SUPT3H: variants seen among roughly 807,000 people sequenced by gnomAD.
SUPT3H encodes the protein transcription initiation protein SPT3 homolog.
Under a neutral mutation model 44.3 loss-of-function variants are expected in SUPT3H, and 44 were observed. The ratio of observed to expected loss-of-function variants is 0.99; its 90% CI spans 0.78 to 1.28. The LOEUF is 1.28. SUPT3H is among the 50% of genes most tolerant of loss of function. The probability of loss-of-function intolerance (pLI) is 0.00; values close to 1 mark genes in which losing one functional copy is unlikely to be tolerated. For missense variants in SUPT3H, 380 were observed against 387.1 expected (o/e 0.98, Z 0.15); for synonymous variants, 124 against 125.6 (o/e 0.99, Z 0.09).
At chr6:45,236,262 C>T (rs546716779) in intron 2 of SUPT3H, among the ~76,000 whole-genome samples, 35 of 152,134 alleles carry the variant, frequency 2.3e-4, no homozygotes, top group Non-Finnish European at 4.6e-4. Flanking sequence ...GGGCTCAAAC[C>T]CAGGTCGAAA....
At chr6:45,233,959 T>C (rs1768581132) in intron 2 of SUPT3H, among the ~76,000 whole-genome samples, 2 of 152,330 alleles carry the variant, frequency 1.3e-5, no homozygotes, top group African/African-American at 4.8e-5. Flanking sequence ...ACTAATAAAT[T>C]ACTAAAAACA....
At chr6:44,822,007 G>A (rs555194241), downstream of SUPT3H, among the ~76,000 whole-genome samples, 9 of 152,188 alleles carry the variant, frequency 5.9e-5, no homozygotes, top group East Asian at 3.9e-4. Flanking sequence ...TCAGTATCAC[G>A]TTAAAGTGAT....
intron 2 of SUPT3H, among the ~76,000 whole-genome samples, chr6:45,284,309 G>GTT (rs200978130): frequency 5.9e-5 from 9 of 151,606 alleles, no homozygotes; most frequent in Admixed American, 6.6e-5. Context: ...CCAGGAGCTG[G>GTT]TTTTTTTTGA....
At chr6:44,917,205 GC>G (rs1350520729) in intron 10 of SUPT3H, among the ~76,000 whole-genome samples, 1 of 152,016 alleles carries the variant, frequency 6.6e-6, no homozygotes, top group African/African-American at 2.4e-5. Context: ...ACTGACTCAG[GC>G]AAGTTGTCTG....
At chr6:44,938,949 A>G (rs778377691) in intron 9 of SUPT3H, among the ~76,000 whole-genome samples, 2 of 152,164 alleles carry the variant, frequency 1.3e-5, no homozygotes, top group African/African-American at 4.8e-5. Flanking sequence ...TTCATTTATC[A>G]AATTTGAGAG....
At chr6:44,824,402 G>A (rs149874606), downstream of SUPT3H, among the ~76,000 whole-genome samples, 209 of 152,296 alleles carry the variant, frequency 1.4e-3, no homozygotes, top group African/African-American at 4.7e-3. Context: ...GCTTGTGCCT[G>A]TAGTCCCAGC....
intron 2 of SUPT3H, among the ~76,000 whole-genome samples, chr6:45,266,772 A>G (rs903167295): frequency 6.6e-6 from 1 of 152,072 alleles, no homozygotes; most frequent in Non-Finnish European, 1.5e-5. Context: ...ACATATTTAC[A>G]GAGGTAGCCA....
Position 44,938,964 on chromosome 6 carries a change from T to C in SUPT3H, c.802-6201A>G, listed in dbSNP as rs185235068. Among the ~76,000 whole-genome samples the C allele has an allele frequency of 4.8e-3, 729 of 152,304 alleles. 4 individuals carry two copies. Among genetic ancestry groups the C allele is most frequent in the African/African-American group, 0.017 (696 of 41,582 alleles). On this transcript the variant is annotated intron_variant, in intron 9 of 10. Transcript: ENST00000371459. The stretch of plus-strand genomic sequence containing the variant: ...TTCATTTATCAAATTTGAGAGGTTT[T>C]TGGTGGAATCTTTAGGTTTTTCTAG...
chr6:45,375,391 G>A (rs1288611617), intron 1 of SUPT3H, among the ~76,000 whole-genome samples: 5 of 152,034 alleles, frequency 3.3e-5, no homozygotes, highest in Non-Finnish European at 5.9e-5. Flanking sequence ...TTTATACTAC[G>A]ACTGTCTCAG....
At chr6:44,857,978 C>T (rs9395051) in intron 10 of SUPT3H, among the ~76,000 whole-genome samples, 2 of 151,876 alleles carry the variant, frequency 1.3e-5, no homozygotes, top group Non-Finnish European at 2.9e-5. Context: ...TCTGTTCTTC[C>T]TGGTTACTTT....
At chr6:45,240,031 C>T (rs980542246) in intron 2 of SUPT3H, among the ~76,000 whole-genome samples, 9 of 152,038 alleles carry the variant, frequency 5.9e-5, no homozygotes, top group Admixed American at 3.9e-4. Flanking sequence ...TGGAGAGATC[C>T]GATAACAAAA....
At chr6:44,823,594 T>TCTGA (rs1351514780), downstream of SUPT3H, among the ~76,000 whole-genome samples, 1 of 152,176 alleles carries the variant, frequency 6.6e-6, no homozygotes, top group Non-Finnish European at 1.5e-5. Context: ...TAGTTTTGCA[T>TCTGA]CTGACTCCCT....
intron 10 of SUPT3H, among the ~76,000 whole-genome samples, chr6:44,843,687 T>A (rs1013635532): frequency 2.0e-5 from 3 of 152,010 alleles, no homozygotes; most frequent in African/African-American, 7.2e-5. Context: ...ACCTGTACAA[T>A]GAAAACTACA....
intron 10 of SUPT3H, among the ~76,000 whole-genome samples, chr6:44,832,754 C>T (rs1279664284): frequency 4.6e-5 from 7 of 151,998 alleles, no homozygotes; most frequent in South Asian, 2.1e-4. Context: ...TGCCAAATTA[C>T]GACCTGTGCC....
At chr6:44,853,419 G>A (rs143842143) in intron 10 of SUPT3H, among the ~76,000 whole-genome samples, 1,855 of 152,228 alleles carry the variant, frequency 0.012, 38 homozygotes, top group African/African-American at 0.042. Context: ...TAGCACTTTG[G>A]GAGGTCAATG....
chr6:45,055,765 G>A (rs529819966), intron 3 of SUPT3H, among the ~76,000 whole-genome samples: 41 of 152,088 alleles, frequency 2.7e-4, no homozygotes, highest in African/African-American at 9.4e-4. Flanking sequence ...CTGACTTAGG[G>A]AAAGACTTCA....
intron 2 of SUPT3H, among the ~76,000 whole-genome samples, chr6:45,206,965 T>G (rs764853012): frequency 6.6e-6 from 1 of 152,160 alleles, no homozygotes; most frequent in Admixed American, 6.5e-5. Flanking sequence ...GAAAGCTCTA[T>G]GTGGAGTAGT....
chr6:45,339,171 AG>A (rs1477862523), intron 2 of SUPT3H, among the ~76,000 whole-genome samples: 1 of 152,292 alleles, frequency 6.6e-6, no homozygotes, highest in South Asian at 2.1e-4. Context: ...TTAAGAAAAA[AG>A]GGATTGAAAG....
Position 45,192,355 on chromosome 6 carries a change from GA to G in SUPT3H, c.102-86350del, listed in dbSNP as rs57517887. 7.2e-3 allele frequency among the ~76,000 whole-genome samples: 1,091 copies of G among 152,124 alleles called. 18 individuals carry two copies. Among genetic ancestry groups the G allele is most frequent in the African/African-American group, 0.025 (1,039 of 41,532 alleles). On this transcript the variant is annotated intron_variant, in intron 2 of 10. Coordinates refer to ENST00000371459, the MANE Select transcript of SUPT3H (RefSeq NM_003599.4). ...TTGACTTATTAAAACGAAACTGTTT[GA>G]AAAAGCAAAAATCTGATTAAGCACA...
Sources: allele counts gnomAD v4.1 joint callset (sites outside exome capture counted in the v4.1 genomes callset), GRCh38; gene constraint gnomAD v4.1.1; transcripts MANE v1.5; gene names NCBI Gene and HGNC (gene_info 2026-07-23, HGNC 2026-07-21).